FAM241A: variants seen among roughly 807,000 people sequenced by gnomAD.
The protein encoded by FAM241A is uncharacterized protein FAM241A.
FAM241A carries 7 observed loss-of-function variants against 12.2 expected under a neutral mutation model. The observed-to-expected ratio is 0.58, with a 90% CI of 0.33 to 1.08. The LOEUF (loss-of-function observed/expected upper bound fraction) is 1.08, where lower values mean the gene tolerates loss of function less well. FAM241A is among the 50% of genes least tolerant of loss of function. The pLI, the probability that FAM241A is intolerant of heterozygous loss-of-function variation, is 0.04. For synonymous variants in FAM241A, 74 were observed against 68.2 expected (o/e 1.08, Z -0.42); for missense variants, 161 against 169.7 (o/e 0.95, Z 0.29).
At position 112,152,310 on chromosome 4, in the gene FAM241A, G is replaced by A. The variant is rs142460813; in HGVS notation, c.153+6577G>A. On this transcript the variant is annotated intron_variant, in intron 1 of 1. Transcript: ENST00000309733. ...AAGGCCAGGAATGCTGGTAAACATC[G>A]TATAATGCCATAGTCCCCTACAGCG... is the stretch of plus-strand genomic sequence containing the variant. Among the ~76,000 whole-genome samples, 134 of 152,238 alleles carry A rather than the reference G, an allele frequency of 8.8e-4. No homozygotes were observed. In the East Asian group the frequency reaches 0.013, roughly 15 times the overall value.
At chr4:112,174,285 C>G (rs1203272882) in intron 1 of FAM241A, among the ~76,000 whole-genome samples, 3 of 152,180 alleles carry the variant, frequency 2.0e-5, no homozygotes, top group Middle Eastern at 3.2e-3. Context: ...TGCTCCCCAA[C>G]CTCAAGTGTC....
intron 1 of FAM241A, among the ~76,000 whole-genome samples, chr4:112,186,161 A>T (rs927435211): frequency 1.2e-4 from 18 of 152,210 alleles, no homozygotes; most frequent in African/African-American, 3.6e-4. Flanking sequence ...AAAAAAAAAA[A>T]TTTGTATTAA....
intron 1 of FAM241A, among the ~76,000 whole-genome samples, chr4:112,181,692 A>G (rs924484914): frequency 2.0e-5 from 3 of 152,212 alleles, no homozygotes; most frequent in African/African-American, 7.2e-5. Flanking sequence ...GAGAGAGGAA[A>G]TAGTTTTTTG....
chr4:112,179,724 T>TA (rs201340686), intron 1 of FAM241A, among the ~76,000 whole-genome samples: 13 of 127,752 alleles, frequency 1.0e-4, no homozygotes, highest in East Asian at 5.9e-4. Flanking sequence ...TATATATATA[T>TA]TAAAAAAAAG....
chr4:112,154,380 G>T (rs1447351432), intron 1 of FAM241A, among the ~76,000 whole-genome samples: 1 of 152,076 alleles, frequency 6.6e-6, no homozygotes, highest in Non-Finnish European at 1.5e-5. Context: ...CAATTCTTGT[G>T]CCTCAGGCTA....
At chr4:112,170,947 C>CTA (rs1443346222) in intron 1 of FAM241A, among the ~76,000 whole-genome samples, 1 of 149,356 alleles carries the variant, frequency 6.7e-6, no homozygotes, top group Admixed American at 6.7e-5. Flanking sequence ...GTGCCAACTT[C>CTA]TATAGTTTTT....
Position 112,160,587 on chromosome 4 carries a change from A to G in FAM241A, c.153+14854A>G, listed in dbSNP as rs184785669. 3.7e-4 allele frequency among the ~76,000 whole-genome samples: 56 copies of G among 152,328 alleles called. No individual in the cohort carries two copies. The East Asian group carries it at 0.011, about 29-fold the overall frequency. On this transcript the variant is annotated intron_variant, in intron 1 of 1. Transcript: ENST00000309733. ...ATTTATTTACACTCACAGAAGTTCC[A>G]GAACAGCCAAAGCTATCCTGAGCAA...
intron 1 of FAM241A, among the ~76,000 whole-genome samples, chr4:112,153,537 G>C (rs4147392): frequency 0.03 from 4,507 of 152,248 alleles, 183 homozygotes; most frequent in East Asian, 0.16. Flanking sequence ...GTGTGTTTGA[G>C]AGAATTAATA....
Position 112,191,903 on chromosome 4 carries a change from C to T in FAM241A, c.*4965C>T, listed in dbSNP as rs569469403. On this transcript the variant is annotated 3_prime_UTR_variant, in exon 2 of 2. Coordinates refer to ENST00000309733, the MANE Select transcript of FAM241A (RefSeq NM_152400.3). Reference sequence around the variant, plus strand: ...GAACATGTCTGTCATTCTATAATTGCATTGCTAGTGCCTAACACAATGCCT... The same window carrying T: ...GAACATGTCTGTCATTCTATAATTGTATTGCTAGTGCCTAACACAATGCCT... The T allele has an allele frequency of 6.6e-6, 1 of 152,266 alleles. No individual in the cohort carries two copies. Among genetic ancestry groups the T allele is most frequent in the East Asian group, 1.9e-4 (1 of 5,196 alleles). The allele number at this position is 152,266 out of a possible 1,614,324, so 9.4% of individuals were successfully genotyped here.
At chr4:112,175,587 G>A (rs530206421) in intron 1 of FAM241A, among the ~76,000 whole-genome samples, 200 of 152,184 alleles carry the variant, frequency 1.3e-3, no homozygotes, top group African/African-American at 4.5e-3. Context: ...GGCCAACATG[G>A]TGAAGCCCCA....
At chr4:112,173,036 C>T (rs953754263) in intron 1 of FAM241A, among the ~76,000 whole-genome samples, 12 of 152,136 alleles carry the variant, frequency 7.9e-5, no homozygotes, top group Non-Finnish European at 1.5e-4. Flanking sequence ...TACAGGCACA[C>T]ACCACCATAC....
Position 112,192,094 on chromosome 4 carries a change from A to G in FAM241A, c.*5156A>G, listed in dbSNP as rs540641228. 5.3e-5 allele frequency: 8 copies of G among 152,302 alleles called. No individual in the cohort carries two copies. The East Asian group carries it at 7.7e-4, about 15-fold the overall frequency. The allele number at this position is 152,302 out of a possible 1,614,324, so 9.4% of individuals were successfully genotyped here. A position where few individuals can be genotyped will look rare whatever the true frequency, so the allele number is the denominator to read the frequency against. On this transcript the variant is annotated 3_prime_UTR_variant, in exon 2 of 2. Transcript: ENST00000309733. ...ACAAAGAGCATGGGTTGATGTATACATTATAATTTATAAAGCTATTCACTT... is the reference window on the plus strand; with the variant it reads ...ACAAAGAGCATGGGTTGATGTATACGTTATAATTTATAAAGCTATTCACTT...
At position 112,193,538 on chromosome 4, in the gene FAM241A, A is replaced by T. The variant is rs1724207756; in HGVS notation, c.*6600A>T. The T allele has an allele frequency of 6.6e-6, 1 of 152,160 alleles. No individual in the cohort carries two copies. The allele number at this position is 152,160 out of a possible 1,614,324, so 9.4% of individuals were successfully genotyped here. ...ATAATTTTTGTATAAGGTGTAAGGAAGGGATCCAGTTTCAGCTTTCTACAT... is the reference window on the plus strand; with the variant it reads ...ATAATTTTTGTATAAGGTGTAAGGATGGGATCCAGTTTCAGCTTTCTACAT... On this transcript the variant is annotated 3_prime_UTR_variant, in exon 2 of 2. Transcript: ENST00000309733.
Position 112,189,513 on chromosome 4 carries a change from A to G in FAM241A, c.*2575A>G, listed in dbSNP as rs1724119705. ...ATGCTAAGGTTATTACATAATGCAT[A>G]CTCATATGGCCAGTAATTCAAAAGA... On this transcript the variant is annotated 3_prime_UTR_variant, in exon 2 of 2. Coordinates refer to ENST00000309733, the MANE Select transcript of FAM241A (RefSeq NM_152400.3). The G allele has an allele frequency of 6.6e-6, 1 of 152,186 alleles. No homozygotes were observed. The highest frequency in any genetic ancestry group is 6.5e-5 in the Admixed American group (1 of 15,280). The allele number at this position is 152,186 out of a possible 1,614,324, so 9.4% of individuals were successfully genotyped here.
At chr4:112,146,301 C>T (rs1320532199) in intron 1 of FAM241A, among the ~76,000 whole-genome samples, 2 of 152,144 alleles carry the variant, frequency 1.3e-5, no homozygotes, top group African/African-American at 4.8e-5. Flanking sequence ...TTCATAAATA[C>T]AGATGAGATC....
Position 112,145,720 on chromosome 4 carries a change from A to G in FAM241A, c.140A>G (p.Lys47Arg), listed in dbSNP as rs1308694264. Residue 47 changes from lysine to arginine, a missense_variant, in exon 1 of 2, where the codon AAG (lysine) becomes AGG (arginine). By Grantham distance (26) the Lys-to-Arg change is conservative. Coordinates refer to ENST00000309733, the MANE Select transcript of FAM241A (RefSeq NM_152400.3). ...ASPRRRGQRP[K>R]ESEQDVEDSQ... Reference sequence around the variant, plus strand: ...CCGCGGCGGCGCGGACAGCGGCCGAAGGAGAGCGAGCAGGTGAGCGCGGGG... The same window carrying G: ...CCGCGGCGGCGCGGACAGCGGCCGAGGGAGAGCGAGCAGGTGAGCGCGGGG... 53 of 1,157,706 alleles carry G rather than the reference A, an allele frequency of 4.6e-5. No homozygotes were observed. Among genetic ancestry groups the G allele is most frequent in the Non-Finnish European group, 5.1e-5 (48 of 941,434 alleles). 71.7% of individuals were successfully genotyped at this position (1,157,706 alleles called of 1,614,324 possible). A position where few individuals can be genotyped will look rare whatever the true frequency, so the allele number is the denominator to read the frequency against.
intron 1 of FAM241A, among the ~76,000 whole-genome samples, chr4:112,146,231 C>CATGAGTAGGAGCGGGTGTTACA (rs1259223919): frequency 2.6e-4 from 40 of 152,286 alleles, no homozygotes; most frequent in African/African-American, 9.6e-4. Flanking sequence ...GCGCTGAAAG[C>CATGAGTAGGAGCGGGTGTTACA]ATGAGTAGGA....
At chr4:112,168,981 G>A (rs535427656) in intron 1 of FAM241A, among the ~76,000 whole-genome samples, 1 of 152,086 alleles carries the variant, frequency 6.6e-6, no homozygotes, top group African/African-American at 2.4e-5. Context: ...ACTTCTATTA[G>A]TCATGCCTAC....
intron 1 of FAM241A, among the ~76,000 whole-genome samples, chr4:112,164,547 T>C (rs1723554457): frequency 6.6e-6 from 1 of 152,108 alleles, no homozygotes. Flanking sequence ...TGTATACATA[T>C]GTAACAAACC....
Sources: gnomAD v4.1 joint callset for allele counts (sites outside exome capture counted in the v4.1 genomes callset) on GRCh38, gnomAD v4.1.1 for gene constraint, MANE v1.5 for transcripts, NCBI Gene and HGNC (gene_info 2026-07-23, HGNC 2026-07-21) for gene names.